Variants in SRC observed in about 807,000 individuals in gnomAD.
SRC encodes SRC proto-oncogene, non-receptor tyrosine kinase, also known as proto-oncogene tyrosine-protein kinase Src.
In SRC, 13 loss-of-function variants were observed where a neutral mutation model predicts 62.9. That is an observed-to-expected ratio of 0.21 (90% CI 0.13 to 0.33). The LOEUF (loss-of-function observed/expected upper bound fraction) is 0.33, where lower values mean the gene tolerates loss of function less well. Ranked by LOEUF, SRC falls within the 10% of genes least tolerant of loss-of-function variation. The probability of loss-of-function intolerance (pLI) is 1.00; values close to 1 mark genes in which losing one functional copy is unlikely to be tolerated. For missense variants in SRC, 457 were observed against 737.3 expected, an observed-to-expected ratio of 0.62 and a Z score of 4.40; for synonymous variants, 302 against 317.5, an observed-to-expected ratio of 0.95 and a Z score of 0.52.
intron 2 of SRC, among the ~76,000 whole-genome samples, chr20:37,375,663 C>T (rs6018138): frequency 0.013 from 1,966 of 152,264 alleles, 37 homozygotes; most frequent in African/African-American, 0.045. Context: ...GTGTGAGCCA[C>T]CACACCCAAC....
intron 5 of SRC, chr20:37,386,621 T>C (rs887534430): frequency 3.0e-6 from 2 of 659,478 alleles, no homozygotes; most frequent in Admixed American, 2.1e-5. Flanking sequence ...CCCTCCCCCC[T>C]CCACCAATTT....
chr20:37,387,046 G>A (rs1363302728), intron 5 of SRC, among the ~76,000 whole-genome samples: 1 of 152,246 alleles, frequency 6.6e-6, no homozygotes. Context: ...GGAGGGTGCC[G>A]GACTGGAGGG....
At chr20:37,367,079 T>A (rs938867872) in intron 2 of SRC, among the ~76,000 whole-genome samples, 1 of 151,494 alleles carries the variant, frequency 6.6e-6, no homozygotes, top group Admixed American at 6.6e-5. Context: ...TGAAGTGGCA[T>A]CTCATTGTGG....
At chr20:37,372,574 T>C (rs2070182554) in intron 2 of SRC, among the ~76,000 whole-genome samples, 1 of 152,200 alleles carries the variant, frequency 6.6e-6, no homozygotes, top group African/African-American at 2.4e-5. Flanking sequence ...TTAAATTTAT[T>C]GAGGCTTGTT....
chr20:37,356,727 C>T (rs1047171081), intron 1 of SRC, among the ~76,000 whole-genome samples: 3 of 152,142 alleles, frequency 2.0e-5, no homozygotes, highest in Non-Finnish European at 4.4e-5. Flanking sequence ...CAAAGCTCCC[C>T]GACGTGGGTG....
At chr20:37,373,371 T>C (rs572024127) in intron 2 of SRC, among the ~76,000 whole-genome samples, 1 of 147,984 alleles carries the variant, frequency 6.8e-6, no homozygotes, top group Admixed American at 6.6e-5. Context: ...CACATACACA[T>C]ATATGTACAT....
rs1485041322 is a variant in SRC at position 37,384,321 on chromosome 20, C to T, written c.168C>T (p.Pro56=). 4 of 1,465,994 alleles carry T rather than the reference C, an allele frequency of 2.7e-6. No individual in the cohort carries two copies. The East Asian group carries it at 1.2e-4, about 45-fold the overall frequency. The allele number at this position is 1,465,994 out of a possible 1,614,324, so 90.8% of individuals were successfully genotyped here. The change falls in exon 4 of 14, where the codon CCC becomes CCT. Residue 56 remains proline (P), a synonymous_variant. Coordinates refer to ENST00000373578, the MANE Select transcript of SRC (RefSeq NM_198291.3). This position sits in a 1 kb window ranked among gnomAD's most constrained non-coding sequence, Gnocchi z 6.7. ...GCGGCCCCAGCGCGGCCTTCGCCCC[C>T]GCGGCCGCCGAGCCCAAGCTGTTCG... ...GHRGPSAAFA[P]AAAEPKLFGG...
intron 2 of SRC, among the ~76,000 whole-genome samples, chr20:37,375,783 A>G (rs1424183744): frequency 6.6e-6 from 1 of 152,254 alleles, no homozygotes; most frequent in African/African-American, 2.4e-5. Flanking sequence ...TAGACTGGGC[A>G]GCTTAAACCA....
chr20:37,396,172 C>T lies in SRC; in HGVS notation c.564C>T (p.Cys188=). 6.2e-7 allele frequency: 1 copy of T among 1,613,040 alleles called. No homozygotes were observed. Among genetic ancestry groups the T allele is most frequent in the Non-Finnish European group, 8.5e-7 (1 of 1,179,968 alleles). Residue 188 remains cysteine (C), a synonymous_variant, in exon 8 of 14, where the codon TGC becomes TGT. Transcript: ENST00000373578. This position sits in a 1 kb window ranked among gnomAD's most constrained non-coding sequence, Gnocchi z 6.1. The part of the protein sequence containing the change: ...RESETTKGAY[C]LSVSDFDNAK... ...CTCGGTGCCCCGCAGGTGCCTACTGCCTCTCAGTGTCTGACTTCGACAACG... is the reference window on the plus strand; with the variant it reads ...CTCGGTGCCCCGCAGGTGCCTACTGTCTCTCAGTGTCTGACTTCGACAACG...
intron 1 of SRC, among the ~76,000 whole-genome samples, chr20:37,359,414 G>A (rs193297682): frequency 1.2e-3 from 180 of 152,358 alleles, no homozygotes; most frequent in Non-Finnish European, 1.7e-3. Context: ...TAAGGGCCAC[G>A]AATCCATAAT....
intron 1 of SRC, among the ~76,000 whole-genome samples, chr20:37,363,630 G>A (rs1039092533): frequency 6.6e-6 from 1 of 152,166 alleles, no homozygotes; most frequent in African/African-American, 2.4e-5. Flanking sequence ...ACCCCGGGCG[G>A]GAGGATGTGA....
rs1403511122 is a variant in SRC at position 37,403,232 on chromosome 20, G to A, written c.1464G>A (p.Pro488=). 10 of 1,580,548 alleles carry A rather than the reference G, an allele frequency of 6.3e-6. No homozygotes were observed. The highest frequency in any genetic ancestry group is 3.6e-5 in the Admixed American group (2 of 55,608). Residue 488 remains proline, a synonymous_variant, in exon 14 of 14, where the codon CCG becomes CCA. Transcript: ENST00000373578. This position sits in a 1 kb window ranked among gnomAD's most constrained non-coding sequence, Gnocchi z 7.1. ...GGGGCTACCGGATGCCCTGCCCGCC[G>A]GAGTGTCCCGAGTCCCTGCACGACC... ...VERGYRMPCP[P]ECPESLHDLM...
chr20:37,392,839 T>A (rs1330607466), intron 5 of SRC, among the ~76,000 whole-genome samples: 1 of 152,004 alleles, frequency 6.6e-6, no homozygotes, highest in African/African-American at 2.4e-5. Flanking sequence ...TCGTCCCCTG[T>A]CCCCAGCACC....
Position 37,384,413 on chromosome 20 carries a change from C to G in SRC, c.250+10C>G. 1 of 1,354,182 alleles carries G rather than the reference C, an allele frequency of 7.4e-7. No homozygotes were observed. The highest frequency in any genetic ancestry group is 9.4e-7 in the Non-Finnish European group (1 of 1,061,682). The allele number at this position is 1,354,182 out of a possible 1,614,324, so 83.9% of individuals were successfully genotyped here. A position where few individuals can be genotyped will look rare whatever the true frequency, so the allele number is the denominator to read the frequency against. On this transcript the variant is annotated intron_variant, in intron 4 of 13. Transcript: ENST00000373578. This position sits in a 1 kb window ranked among gnomAD's most constrained non-coding sequence, Gnocchi z 6.7. ...GCGGGCCCGCTGGCCGGTCAGTGCG[C>G]GGGCGGCGCGGGGTCCTCGCCCACC...
Position 37,393,915 on chromosome 20 carries a change from C to G in SRC, c.371C>G (p.Ala124Gly), listed in dbSNP as rs1446194954. 1.2e-6 allele frequency: 2 copies of G among 1,613,688 alleles called. No homozygotes were observed. The highest frequency in any genetic ancestry group is 3.3e-5 in the Admixed American group (2 of 60,002). ...VNNTEGDWWL[A>G]HSLSTGQTGY... ...CTCAGAGAGGGAGACTGGTGGCTGGCCCACTCGCTCAGCACAGGACAGACA... is the reference window on the plus strand; with the variant it reads ...CTCAGAGAGGGAGACTGGTGGCTGGGCCACTCGCTCAGCACAGGACAGACA... Residue 124 changes from alanine to glycine, a missense_variant, in exon 6 of 14, where the codon GCC becomes GGC. Physicochemically the swap from Ala to Gly is moderately conservative, Grantham distance 60 (BLOSUM62 0). This residue lies in a region of SRC where 16 missense variants were observed against 45.7 expected (regional missense o/e 0.35). Transcript: ENST00000373578.
intron 5 of SRC, among the ~76,000 whole-genome samples, chr20:37,391,282 C>G (rs2070543344): frequency 6.6e-6 from 1 of 152,218 alleles, no homozygotes; most frequent in South Asian, 2.1e-4. Context: ...CTGCCACAGG[C>G]TTTCCCAAAG....
upstream of SRC, among the ~76,000 whole-genome samples, chr20:37,345,206 C>T (rs1336796833): frequency 6.6e-6 from 1 of 152,154 alleles, no homozygotes; most frequent in East Asian, 1.9e-4. Flanking sequence ...GCCCACCTTT[C>T]CCTGTGCTAG....
chr20:37,380,605 T>C (rs74971211), intron 2 of SRC, among the ~76,000 whole-genome samples: 219 of 152,312 alleles, frequency 1.4e-3, no homozygotes, highest in East Asian at 5.0e-3. Context: ...TATACATCCA[T>C]GCCCATTTAG....
At position 37,361,138 on chromosome 20, in the gene SRC, G is replaced by A. The variant is rs190303708; in HGVS notation, c.-246-4066G>A. 2.3e-3 allele frequency among the ~76,000 whole-genome samples: 354 copies of A among 152,040 alleles called. 2 individuals are homozygous for A. Among genetic ancestry groups the A allele is most frequent in the Middle Eastern group, 0.01 (3 of 292 alleles). On this transcript the variant is annotated intron_variant, in intron 1 of 13. Coordinates refer to ENST00000373578, the MANE Select transcript of SRC (RefSeq NM_198291.3). ...AGGGGAGGTGGGTGGTGGAGCTTAG[G>A]GGGGGAAGAATATGTGCAAAGGCTT...
Sources: allele counts gnomAD v4.1 joint callset (sites outside exome capture counted in the v4.1 genomes callset), GRCh38; gene constraint gnomAD v4.1.1; regional missense constraint gnomAD v4.1.1; non-coding constraint Gnocchi (gnomAD v3.1); transcripts MANE v1.5; gene names NCBI Gene and HGNC (gene_info 2026-07-23, HGNC 2026-07-21).